Variants in NUP210L observed in about 807,000 individuals in gnomAD.
NUP210L encodes the protein nucleoporin 210 like.
A neutral mutation model predicts 208.5 loss-of-function variants in NUP210L; 74 were observed. That is an observed-to-expected ratio of 0.35 (90% CI 0.29 to 0.43). NUP210L has a LOEUF of 0.43. Among genes scored for constraint, NUP210L ranks in the 20% least tolerant of loss-of-function variants. NUP210L has a pLI of 1.00. For missense variants in NUP210L, 1,843 were observed against 2,289.4 expected, an observed-to-expected ratio of 0.81 and a Z score of 3.98; for synonymous variants, 780 against 816.9, an observed-to-expected ratio of 0.95 and a Z score of 0.77.
intron 14 of NUP210L, among the ~76,000 whole-genome samples, chr1:154,096,083 T>C (rs1054854974): frequency 6.6e-6 from 1 of 152,198 alleles, no homozygotes; most frequent in African/African-American, 2.4e-5. Context: ...CTCCTAATGC[T>C]ATCCATTCCC....
At chr1:154,106,674 CTGTT>C (rs1247055813) in intron 12 of NUP210L, among the ~76,000 whole-genome samples, 4 of 152,206 alleles carry the variant, frequency 2.6e-5, no homozygotes, top group Non-Finnish European at 5.9e-5. Flanking sequence ...GAGAGAGACT[CTGTT>C]TGTTTGGGCA....
rs7522647 is a variant in NUP210L at position 154,142,180 on chromosome 1, C to T, written c.473-656G>A. Among the ~76,000 whole-genome samples, 41 of 151,178 alleles carry T rather than the reference C, an allele frequency of 2.7e-4. 2 individuals carry two copies. The South Asian group carries it at 8.4e-3, about 31-fold the overall frequency. ...AAAAAAAAAAAGCTTCCAGAATTCCCGAATAGTTCATTTTTCAGATTAAAA... is the reference window on the plus strand; with the variant it reads ...AAAAAAAAAAAGCTTCCAGAATTCCTGAATAGTTCATTTTTCAGATTAAAA... On this transcript the variant is annotated intron_variant, in intron 3 of 39. Coordinates refer to ENST00000368559, the Ensembl canonical transcript of NUP210L.
chr1:154,049,937 C>CA (rs1331157523), intron 25 of NUP210L, among the ~76,000 whole-genome samples: 1 of 152,154 alleles, frequency 6.6e-6, no homozygotes, highest in African/African-American at 2.4e-5. Context: ...AACAGTCCAG[C>CA]AATTTGCCAG....
intron 16 of NUP210L, among the ~76,000 whole-genome samples, chr1:154,084,213 ATT>A (rs757068435): frequency 9.6e-5 from 12 of 124,718 alleles, no homozygotes; most frequent in Admixed American, 1.6e-4. Context: ...CTAATTTTTA[ATT>A]TTTTTTTTTT....
intron 27 of NUP210L, 94 bp downstream of exon 27, chr1:154,045,975 A>C: frequency 4.2e-4 from 379 of 903,990 alleles, no homozygotes; most frequent in Middle Eastern, 6.9e-4. Context: ...ACAGAGTGAG[A>C]CCTCATCTCA....
intron 25 of NUP210L, among the ~76,000 whole-genome samples, chr1:154,052,672 T>C (rs905474203): frequency 2.0e-5 from 3 of 152,340 alleles, no homozygotes; most frequent in Non-Finnish European, 4.4e-5. Context: ...TGCTTTCTGA[T>C]CTCAGTATTT....
intron 12 of NUP210L, among the ~76,000 whole-genome samples, chr1:154,105,314 A>G (rs1311075983): frequency 6.6e-6 from 1 of 152,044 alleles, no homozygotes; most frequent in Non-Finnish European, 1.5e-5. Context: ...ACATGGCGAA[A>G]CCCTGTCTCT....
chr1:154,012,178 A>G, intron 34 of NUP210L, 66 bp downstream of exon 34: 1 of 1,522,268 alleles, frequency 6.6e-7, no homozygotes. Context: ...ATCCAAAGGG[A>G]TAAATGAATT....
intron 34 of NUP210L, among the ~76,000 whole-genome samples, chr1:154,010,818 C>T (rs969782180): frequency 6.6e-6 from 1 of 151,716 alleles, no homozygotes; most frequent in Non-Finnish European, 1.5e-5. Context: ...TGCAGTGAGC[C>T]GAGATTGCGC....
chr1:154,054,850 A>G lies in NUP210L; in HGVS notation c.3241-18T>C, dbSNP rs537355489. 3.8e-6 allele frequency: 6 copies of G among 1,580,504 alleles called. No homozygotes were observed. The highest frequency in any genetic ancestry group is 5.2e-6 in the Non-Finnish European group (6 of 1,149,700). ...GGAAACACCTTGAAGGAGAAAACCA[A>G]AAGGACAACAGTAACTAACTAGAGT... On this transcript the variant is annotated intron_variant, in intron 23 of 39. Coordinates refer to ENST00000368559, the Ensembl canonical transcript of NUP210L.
At chr1:154,001,835 G>T in exon 36 of NUP210L, 1 of 1,614,108 alleles carries the variant, frequency 6.2e-7, no homozygotes, top group Non-Finnish European at 8.5e-7. Flanking sequence ...ATAAAAGGCT[G>T]GGATGAAAGG....
intron 12 of NUP210L, among the ~76,000 whole-genome samples, chr1:154,106,500 C>T (rs868733658): frequency 6.6e-6 from 1 of 152,166 alleles, no homozygotes; most frequent in Non-Finnish European, 1.5e-5. Context: ...AGTCCTTGGG[C>T]CTTGAGTGAA....
At chr1:154,054,363 G>A in exon 25 of NUP210L, 1 of 1,614,178 alleles carries the variant, frequency 6.2e-7, no homozygotes, top group Non-Finnish European at 8.5e-7. Flanking sequence ...TACTGATGGA[G>A]AAGTGAACGA....
intron 34 of NUP210L, among the ~76,000 whole-genome samples, chr1:154,011,821 G>A (rs1650943269): frequency 6.6e-6 from 1 of 151,210 alleles, no homozygotes; most frequent in Non-Finnish European, 1.5e-5. Flanking sequence ...CCAAGTAGCT[G>A]GGATACAGGC....
At chr1:153,992,808 G>C (rs950688337) in exon 40 of NUP210L, 2 of 1,486,718 alleles carry the variant, frequency 1.3e-6, no homozygotes, top group Non-Finnish European at 1.8e-6. Context: ...TTCCCCTGCA[G>C]TTAAGAGAAA....
intron 7 of NUP210L, among the ~76,000 whole-genome samples, chr1:154,134,105 G>A (rs530523260): frequency 1.9e-4 from 29 of 150,262 alleles, no homozygotes; most frequent in Non-Finnish European, 3.4e-4. Flanking sequence ...AGCAGAAATC[G>A]CGCCACTGCA....
chr1:154,101,062 C>T (rs1471566209), intron 13 of NUP210L, among the ~76,000 whole-genome samples: 1 of 150,030 alleles, frequency 6.7e-6, no homozygotes, highest in African/African-American at 2.5e-5. Context: ...ATCCCAGCTA[C>T]TCAGGAGGCT....
intron 37 of NUP210L, among the ~76,000 whole-genome samples, chr1:154,000,333 A>C (rs1410360665): frequency 2.0e-5 from 3 of 152,098 alleles, no homozygotes; most frequent in Non-Finnish European, 2.9e-5. Flanking sequence ...ATGTTCCAAG[A>C]CCCTCAGTGG....
chr1:154,109,986 C>A (rs1031490208), intron 12 of NUP210L, among the ~76,000 whole-genome samples: 1 of 151,248 alleles, frequency 6.6e-6, no homozygotes, highest in African/African-American at 2.5e-5. Context: ...GTAATCCCTG[C>A]ACTTTGGGAG....
Sources: allele counts gnomAD v4.1 joint callset (sites outside exome capture counted in the v4.1 genomes callset), GRCh38; gene constraint gnomAD v4.1.1; transcripts MANE v1.5; gene names NCBI Gene and HGNC (gene_info 2026-07-23, HGNC 2026-07-21).